Variants in ARL1 observed in about 807,000 individuals in gnomAD.
ARL1 encodes ADP-ribosylation factor-like protein 1.
A neutral mutation model predicts 30.1 loss-of-function variants in ARL1; 17 were observed. The ratio of observed to expected loss-of-function variants is 0.56; its 90% CI spans 0.39 to 0.85. The LOEUF (loss-of-function observed/expected upper bound fraction) is 0.85, where lower values mean the gene tolerates loss of function less well. Ranked by LOEUF, ARL1 falls within the 40% of genes least tolerant of loss-of-function variation. The pLI is 0.00. For missense variants in ARL1, 102 were observed against 212.6 expected (o/e 0.48, Z 3.24); for synonymous variants, 58 against 71.7 (o/e 0.81, Z 0.97).
At chr12:101,399,509 TAAAAAAAAAAAAAAAA>T (rs200979843) in intron 4 of ARL1, among the ~76,000 whole-genome samples, 20 of 110,540 alleles carry the variant, frequency 1.8e-4, no homozygotes, top group East Asian at 3.0e-4. Flanking sequence ...AGACTCTGTC[TAAAAAAAAAAAAAAAA>T]AAAAAAAAAA....
In ARL1 at chr12:101,395,450, T is replaced by TCA. The variant is rs1348227350; in HGVS notation, c.*188_*189dup. On this transcript the variant is annotated 3_prime_UTR_variant, in exon 6 of 6. Coordinates refer to ENST00000261636, the MANE Select transcript of ARL1 (RefSeq NM_001177.6). ...GAATATTTTACATTACATAGAACAT[T>TCA]CAGGTGATTCGATCAAATTATCCCT... The TCA allele has an allele frequency of 1.8e-6, 1 of 551,546 alleles. No individual in the cohort carries two copies. 34.2% of individuals were successfully genotyped at this position (551,546 alleles called of 1,614,324 possible).
rs1247614796 is a variant in ARL1 at position 101,394,680 on chromosome 12, C to T, written c.*960G>A. ...CTCTTTAATGTGTTATGAATTCTAT[C>T]AAATATAACCATTTAGGATTATTTA... On this transcript the variant is annotated 3_prime_UTR_variant, in exon 6 of 6. Transcript: ENST00000261636. 1 of 152,092 alleles carries T rather than the reference C, an allele frequency of 6.6e-6. No individual in the cohort carries two copies. The highest frequency in any genetic ancestry group is 1.5e-5 in the Non-Finnish European group (1 of 68,020). The allele number at this position is 152,092 out of a possible 1,614,324, so 9.4% of individuals were successfully genotyped here. A position where few individuals can be genotyped will look rare whatever the true frequency, so the allele number is the denominator to read the frequency against.
At chr12:101,396,897 A>C (rs1163333666) in intron 4 of ARL1, among the ~76,000 whole-genome samples, 1 of 152,160 alleles carries the variant, frequency 6.6e-6, no homozygotes, top group Non-Finnish European at 1.5e-5. Flanking sequence ...TAAAAATTAA[A>C]ATCATGTTTC....
At chr12:101,403,009 A>G (rs1871345103) in intron 2 of ARL1, 63 bp from the exon 3 acceptor site, 1 of 1,076,878 alleles carries the variant, frequency 9.3e-7, no homozygotes, top group Non-Finnish European at 1.4e-6. Flanking sequence ...AAAATATCCT[A>G]TCTAATTGAG....
chr12:101,402,336 G>C (rs771926359), intron 3 of ARL1, among the ~76,000 whole-genome samples: 1 of 152,146 alleles, frequency 6.6e-6, no homozygotes, highest in East Asian at 1.9e-4. Context: ...TTATAGGCAC[G>C]CACCACCATG....
chr12:101,396,901 A>G (rs1871167985), intron 4 of ARL1, among the ~76,000 whole-genome samples: 1 of 152,156 alleles, frequency 6.6e-6, no homozygotes, highest in African/African-American at 2.4e-5. Context: ...AATTAAAATC[A>G]TGTTTCTCCA....
intron 1 of ARL1, 34 bp downstream of exon 1, chr12:101,407,608 G>A (rs750797565): frequency 1.2e-6 from 2 of 1,608,238 alleles, no homozygotes; most frequent in Non-Finnish European, 1.7e-6. Flanking sequence ...CGGCTCCCTC[G>A]AGCGCGCCCA....
rs548032852 is a variant in ARL1 at position 101,399,996 on chromosome 12, C to T, written c.336+1066G>A. ...AGGCTGTAGTGCAGGGGCACGATCTCGGCTCACTGCAACCTCTGCCTCCTG... is the reference window on the plus strand; with the variant it reads ...AGGCTGTAGTGCAGGGGCACGATCTTGGCTCACTGCAACCTCTGCCTCCTG... On this transcript the variant is annotated intron_variant, in intron 4 of 5. Coordinates refer to ENST00000261636, the MANE Select transcript of ARL1 (RefSeq NM_001177.6). Among the ~76,000 whole-genome samples, 9 of 152,184 alleles carry T rather than the reference C, an allele frequency of 5.9e-5. No individual in the cohort carries two copies. In the South Asian group the frequency reaches 8.3e-4, roughly 14 times the overall value.
At chr12:101,406,927 G>T (rs758677533) in intron 1 of ARL1, 1 of 152,194 alleles carries the variant, frequency 6.6e-6, no homozygotes, top group Non-Finnish European at 1.5e-5. Context: ...CCAAGCCAAA[G>T]AATCTGCACC....
intron 4 of ARL1, among the ~76,000 whole-genome samples, chr12:101,398,001 A>C (rs1248692241): frequency 1.3e-5 from 2 of 152,144 alleles, no homozygotes; most frequent in East Asian, 1.9e-4. Flanking sequence ...TTTTGTTTAC[A>C]TTAATATAAT....
In ARL1 at chr12:101,395,576, TTGAC is replaced by T; in HGVS notation, c.*60_*63del. 1 of 1,342,072 alleles carries T rather than the reference TTGAC, an allele frequency of 7.5e-7. No individual in the cohort carries two copies. The allele number at this position is 1,342,072 out of a possible 1,614,324, so 83.1% of individuals were successfully genotyped here. ...TAACATCTAGTAGTGTGAAGTACAC[TTGAC>T]TGTTTCCAAAGGGAGAGAGGTGATG... is the stretch of plus-strand genomic sequence containing the variant. On this transcript the variant is annotated 3_prime_UTR_variant, in exon 6 of 6. Transcript: ENST00000261636.
chr12:101,405,414 A>C (rs1871412726), intron 2 of ARL1, among the ~76,000 whole-genome samples: 1 of 152,172 alleles, frequency 6.6e-6, no homozygotes, highest in African/African-American at 2.4e-5. Context: ...GGTATTTGTT[A>C]TCTTATGTAT....
chr12:101,396,710 A>G, intron 4 of ARL1, 133 bp from the exon 5 acceptor site: 1 of 664,504 alleles, frequency 1.5e-6, no homozygotes, highest in Non-Finnish European at 2.3e-6. Flanking sequence ...TATAGAAATT[A>G]TATAGAGAAG....
chr12:101,399,292 T>C (rs892374059), intron 4 of ARL1, among the ~76,000 whole-genome samples: 1 of 151,976 alleles, frequency 6.6e-6, no homozygotes, highest in Non-Finnish European at 1.5e-5. Context: ...GCGGGCAAAC[T>C]GCTGAGGTCA....
chr12:101,396,875 C>T (rs902841614), intron 4 of ARL1, among the ~76,000 whole-genome samples: 1 of 152,080 alleles, frequency 6.6e-6, no homozygotes, highest in African/African-American at 2.4e-5. Flanking sequence ...ATATATAGTT[C>T]CATACCCTGC....
At chr12:101,407,382 G>T in intron 1 of ARL1, 1 of 441,074 alleles carries the variant, frequency 2.3e-6, no homozygotes, top group Non-Finnish European at 4.0e-6. Flanking sequence ...TCGAACCCAG[G>T]CTCTGCGGAC....
chr12:101,399,923 T>A (rs534423226), intron 4 of ARL1, among the ~76,000 whole-genome samples: 71 of 151,922 alleles, frequency 4.7e-4, no homozygotes, highest in East Asian at 7.8e-4. Flanking sequence ...ACAAATATAT[T>A]TTTTTTTAAT....
In ARL1 at chr12:101,401,103, G is replaced by A. The variant is rs763085137; in HGVS notation, c.295C>T (p.Arg99Ter). Residue 99 changes from arginine (R) to a stop codon, truncating the protein, a stop_gained, in exon 4 of 6, where the codon CGA becomes TGA. Transcript: ENST00000261636. LOFTEE classifies it high-confidence loss of function. ...IYVVDSCDRD[R>*]IGISKSELVA... Reference sequence around the variant, plus strand: ...AACTCTGATTTGGAAATGCCAATTCGGTCTCGGTCACAACTGTCTACTACA... The same window carrying A: ...AACTCTGATTTGGAAATGCCAATTCAGTCTCGGTCACAACTGTCTACTACA... 12 of 1,613,436 alleles carry A rather than the reference G, an allele frequency of 7.4e-6. No homozygotes were observed. Among genetic ancestry groups the A allele is most frequent in the South Asian group, 1.1e-5 (1 of 91,024 alleles).
intron 1 of ARL1, among the ~76,000 whole-genome samples, chr12:101,406,357 C>T (rs1051141282): frequency 6.6e-6 from 1 of 152,126 alleles, no homozygotes; most frequent in African/African-American, 2.4e-5. Context: ...ACAATGTAAT[C>T]CTCGCACAGG....
Sources: gnomAD v4.1 joint callset for allele counts (sites outside exome capture counted in the v4.1 genomes callset) on GRCh38, gnomAD v4.1.1 for gene constraint, MANE v1.5 for transcripts, NCBI Gene and HGNC (gene_info 2026-07-23, HGNC 2026-07-21) for gene names.